ADGRA3: variants seen among roughly 807,000 people sequenced by gnomAD.
The protein encoded by ADGRA3 is G-protein coupled receptor 125.
ADGRA3 carries 56 observed loss-of-function variants against 119.8 expected under a neutral mutation model. The observed-to-expected ratio is 0.47, with a 90% confidence interval of 0.38 to 0.58. ADGRA3 has a LOEUF of 0.58. Ranked by LOEUF, ADGRA3 falls within the 20% of genes least tolerant of loss-of-function variation. ADGRA3 has a pLI of 0.00. For missense variants in ADGRA3, 1,516 were observed against 1,649.0 expected (o/e 0.92, Z 1.40); for synonymous variants, 607 against 623.8 (o/e 0.97, Z 0.40).
chr4:22,396,297 C>G (rs1374398318), intron 16 of ADGRA3, among the ~76,000 whole-genome samples: 1 of 152,174 alleles, frequency 6.6e-6, no homozygotes, highest in African/African-American at 2.4e-5. Flanking sequence ...CCTTTAATAA[C>G]TTCAAGCAAT....
chr4:22,402,688 T>C lies in ADGRA3; in HGVS notation c.2344A>G (p.Ile782Val), dbSNP rs774847867. 2.5e-6 allele frequency: 4 copies of C among 1,613,702 alleles called. No individual in the cohort carries two copies. Among genetic ancestry groups the C allele is most frequent in the African/African-American group, 1.3e-5 (1 of 75,010 alleles). Residue 782 changes from isoleucine to valine, a missense_variant, in exon 15 of 19, where the codon ATA (isoleucine) becomes GTA (valine). Physicochemically the swap from Ile to Val is conservative, Grantham distance 29. Coordinates refer to ENST00000334304, the MANE Select transcript of ADGRA3 (RefSeq NM_145290.4). ...LCLLAVIVSYIYHHSLIRISL... is the reference protein window; with the variant it reads ...LCLLAVIVSYVYHHSLIRISL... ...TGTATTTCTTACCTGTGATGGTATA[T>C]GTAACTGACAATGACGGCTAAGAGA...
chr4:22,430,304 C>T (rs542193676), intron 10 of ADGRA3, among the ~76,000 whole-genome samples: 1 of 152,230 alleles, frequency 6.6e-6, no homozygotes, highest in East Asian at 1.9e-4. Flanking sequence ...AACAAATAGG[C>T]GTTGGAACAG....
In ADGRA3 at chr4:22,401,596, C is replaced by T. The variant is rs188277657; in HGVS notation, c.2358-42G>A. ...GAAAATATTAATATTCAGGCTAGTA[C>T]ATAAGGAGAAAACTATGATGTTCAT... On this transcript the variant is annotated intron_variant, in intron 15 of 18. Transcript: ENST00000334304. 117 of 1,475,248 alleles carry T rather than the reference C, an allele frequency of 7.9e-5. No individual in the cohort carries two copies. The Admixed American group carries it at 1.2e-3, about 15-fold the overall frequency. The allele number at this position is 1,475,248 out of a possible 1,614,324, so 91.4% of individuals were successfully genotyped here.
chr4:22,424,231 G>C lies in ADGRA3; in HGVS notation c.1565C>G (p.Ala522Gly), dbSNP rs763848937. 3 of 1,612,820 alleles carry C rather than the reference G, an allele frequency of 1.9e-6. No homozygotes were observed. The highest frequency in any genetic ancestry group is 1.3e-5 in the African/African-American group (1 of 74,916). The change falls in exon 11 of 19, where the codon GCT becomes GGT. Residue 522 changes from alanine to glycine, a missense_variant. By Grantham distance (60) the Ala-to-Gly change is moderately conservative. Around this residue, in one of 2 missense-constraint regions of ADGRA3, gnomAD observed 1,088 missense variants for 1,107.1 expected, o/e 0.98. Coordinates refer to ENST00000334304, the MANE Select transcript of ADGRA3 (RefSeq NM_145290.4). ...SRIVQCLQRIATYRLAGGAHV... is the reference protein window; with the variant it reads ...SRIVQCLQRIGTYRLAGGAHV... The stretch of plus-strand genomic sequence containing the variant: ...AGCTCCACCGGCTAGCCGGTAGGTA[G>C]CAATGCGCTGAAGACACTGCACAAT...
At chr4:22,401,575 A>C in intron 15 of ADGRA3, 21 bp from the exon 16 acceptor site, 2 of 1,586,806 alleles carry the variant, frequency 1.3e-6, no homozygotes, top group Non-Finnish European at 1.7e-6. Flanking sequence ...AAGAGAGAAA[A>C]TATTAATATT....
chr4:22,464,127 T>A (rs762343452), intron 2 of ADGRA3, among the ~76,000 whole-genome samples: 1 of 152,102 alleles, frequency 6.6e-6, no homozygotes. Context: ...CCCCCAATAC[T>A]TCACAATATT....
intron 14 of ADGRA3, among the ~76,000 whole-genome samples, chr4:22,406,974 A>C (rs1714962295): frequency 6.6e-6 from 1 of 152,190 alleles, no homozygotes; most frequent in Non-Finnish European, 1.5e-5. Context: ...AGATTGGGCA[A>C]TACAAAAGAA....
intron 1 of ADGRA3, among the ~76,000 whole-genome samples, chr4:22,508,802 C>A (rs954919406): frequency 1.3e-5 from 2 of 152,154 alleles, no homozygotes; most frequent in East Asian, 3.9e-4. Flanking sequence ...GCAAAAAGAT[C>A]CTCCCTGCTG....
Position 22,461,754 on chromosome 4 carries a change from C to T in ADGRA3, c.384G>A (p.Leu128=), listed in dbSNP as rs779313110. The T allele has an allele frequency of 6.2e-7, 1 of 1,605,388 alleles. No individual in the cohort carries two copies. The highest frequency in any genetic ancestry group is 1.7e-5 in the Admixed American group (1 of 59,260). Residue 128 remains leucine, a synonymous_variant, in exon 3 of 19, where the codon CTG becomes CTA. Transcript: ENST00000334304. ...ACACTTACAATCTTTTTAGAGATGACAGTCCCCAGAAGGCACCTGGATCTA... is the reference window on the plus strand; with the variant it reads ...ACACTTACAATCTTTTTAGAGATGATAGTCCCCAGAAGGCACCTGGATCTA... ...SSIDPGAFWG[L]SSLKRLDLTN...
intron 1 of ADGRA3, among the ~76,000 whole-genome samples, chr4:22,509,807 G>A (rs962463280): frequency 5.9e-5 from 9 of 151,730 alleles, no homozygotes; most frequent in Non-Finnish European, 8.8e-5. Context: ...TCAGGAGATC[G>A]AGACCATCCT....
intron 1 of ADGRA3, among the ~76,000 whole-genome samples, chr4:22,480,413 C>T (rs1718225735): frequency 6.6e-6 from 1 of 152,110 alleles, no homozygotes; most frequent in Non-Finnish European, 1.5e-5. Flanking sequence ...TAGCTTAACT[C>T]CCGTAGTCCC....
In ADGRA3 at chr4:22,461,732, C is replaced by T. The variant is rs749762520; in HGVS notation, c.401+5G>A. 6.3e-7 allele frequency: 1 copy of T among 1,592,188 alleles called. No homozygotes were observed. Among genetic ancestry groups the T allele is most frequent in the Admixed American group, 1.7e-5 (1 of 58,788 alleles). On this transcript the variant is annotated splice_donor_5th_base_variant and intron_variant, in intron 3 of 18. Transcript: ENST00000334304. ...AACTCGTAAGCAAGCAATTCAAACACTTACAATCTTTTTAGAGATGACAGT... is the reference window on the plus strand; with the variant it reads ...AACTCGTAAGCAAGCAATTCAAACATTTACAATCTTTTTAGAGATGACAGT...
chr4:22,502,220 T>C (rs945919300), intron 1 of ADGRA3, among the ~76,000 whole-genome samples: 1 of 152,148 alleles, frequency 6.6e-6, no homozygotes, highest in African/African-American at 2.4e-5. Flanking sequence ...GTAAATACAG[T>C]TGCCAAATGC....
intron 1 of ADGRA3, among the ~76,000 whole-genome samples, chr4:22,491,017 C>A (rs1314508016): frequency 6.6e-6 from 1 of 152,050 alleles, no homozygotes; most frequent in Non-Finnish European, 1.5e-5. Context: ...AGGGAGAAGG[C>A]AAACAAGTGG....
rs747163211 is a variant in ADGRA3, at chr4:22,436,617, A to G, written c.1110T>C (p.Ile370=). 3 of 1,613,942 alleles carry G rather than the reference A, an allele frequency of 1.9e-6. No homozygotes were observed. Among genetic ancestry groups the G allele is most frequent in the Non-Finnish European group, 2.5e-6 (3 of 1,179,836 alleles). ...TCCGCGTACACTGCAGATATGCAGT[A>G]ATGCCTGCCAATGTTCTGGGCCATC... ...DFRWPRTLAG[I]TAYLQCTRNT... The change falls in exon 9 of 19, where the codon ATT becomes ATC. Residue 370 remains isoleucine, a synonymous_variant. Transcript: ENST00000334304.
chr4:22,441,175 C>T (rs1252494976), intron 7 of ADGRA3, among the ~76,000 whole-genome samples: 1 of 152,040 alleles, frequency 6.6e-6, no homozygotes, highest in Non-Finnish European at 1.5e-5. Context: ...CTTAAAAAAT[C>T]AGAAGACAGA....
chr4:22,445,141 A>G lies in ADGRA3; in HGVS notation c.546-8T>C, dbSNP rs1166437547. ...TACTCAGTCTGGAATTCCCTGTAAC[A>G]TGCAAATACAACTTAGAGATTATAG... is the stretch of plus-strand genomic sequence containing the variant. On this transcript the variant is annotated splice_polypyrimidine_tract_variant and splice_region_variant and intron_variant, in intron 5 of 18. Transcript: ENST00000334304. 1.2e-6 allele frequency: 2 copies of G among 1,612,506 alleles called. No homozygotes were observed. The highest frequency in any genetic ancestry group is 2.7e-5 in the African/African-American group (2 of 74,884).
At chr4:22,480,179 C>T (rs1470190568) in intron 1 of ADGRA3, among the ~76,000 whole-genome samples, 2 of 152,092 alleles carry the variant, frequency 1.3e-5, no homozygotes, top group African/African-American at 4.8e-5. Flanking sequence ...AAAGAAAAAT[C>T]GGCAAAAGGC....
chr4:22,435,197 T>C (rs538974892), intron 10 of ADGRA3, 114 bp downstream of exon 10: 137 of 896,500 alleles, frequency 1.5e-4, no homozygotes, highest in Non-Finnish European at 1.9e-4. Context: ...TTTAAAAGCA[T>C]GCTTTTAGCT....
Sources: allele counts gnomAD v4.1 joint callset (sites outside exome capture counted in the v4.1 genomes callset), GRCh38; gene constraint gnomAD v4.1.1; regional missense constraint gnomAD v4.1.1; transcripts MANE v1.5; gene names NCBI Gene and HGNC (gene_info 2026-07-23, HGNC 2026-07-21).